The following AKAP13 variants were observed in gnomAD, a reference collection of about 807,000 sequenced individuals.
AKAP13 encodes the protein A-kinase anchoring protein 13.
A neutral mutation model predicts 264.5 loss-of-function variants in AKAP13; 80 were observed. That is an observed-to-expected ratio of 0.30 (90% confidence interval 0.25 to 0.36). AKAP13 has a LOEUF of 0.36. Ranked by LOEUF, AKAP13 falls within the 10% of genes least tolerant of loss-of-function variation. AKAP13 has a pLI of 1.00. For missense variants in AKAP13, 3,712 were observed against 3,435.2 expected (o/e 1.08, Z -2.01); for synonymous variants, 1,380 against 1,250.2 (o/e 1.10, Z -2.19).
chr15:85,591,835 T>G (rs1331655849), intron 8 of AKAP13, among the ~76,000 whole-genome samples: 5 of 152,162 alleles, frequency 3.3e-5, no homozygotes, highest in African/African-American at 1.2e-4. Context: ...GCTCTTTGCA[T>G]AAGCTTATTA....
chr15:85,540,442 G>A (rs1324890596), intron 4 of AKAP13, among the ~76,000 whole-genome samples: 2 of 152,196 alleles, frequency 1.3e-5, no homozygotes, highest in Admixed American at 6.5e-5. Flanking sequence ...TGGAAGGGGA[G>A]TGAGTTGGCA....
chr15:85,597,923 C>G (rs1157699113), intron 8 of AKAP13, among the ~76,000 whole-genome samples: 1 of 152,004 alleles, frequency 6.6e-6, no homozygotes, highest in African/African-American at 2.4e-5. Context: ...ATGGAAGAGC[C>G]TTCTGCTTGT....
At position 85,580,072 on chromosome 15, in the gene AKAP13, A is replaced by G. The variant is rs1251665816; in HGVS notation, c.2004A>G (p.Gln668=). The G allele has an allele frequency of 9.3e-6, 15 of 1,614,110 alleles. No individual in the cohort carries two copies. The highest frequency in any genetic ancestry group is 5.0e-5 in the Admixed American group (3 of 60,006). Residue 668 remains glutamine, a synonymous_variant, in exon 7 of 37, where the codon CAA becomes CAG. Transcript: ENST00000394518. ...DDKLCADSAC[Q]QNTVTSSGDL... ...AACTTTGTGCAGACTCTGCATGTCA[A>G]CAGAACACAGTGACTTCTAGTGGCG... is the stretch of plus-strand genomic sequence containing the variant.
chr15:85,511,901 T>C (rs1287050556), intron 2 of AKAP13, among the ~76,000 whole-genome samples: 2 of 151,906 alleles, frequency 1.3e-5, no homozygotes, highest in Non-Finnish European at 2.9e-5. Flanking sequence ...TGTGTTTTTG[T>C]ATTATTTTCT....
intron 5 of AKAP13, among the ~76,000 whole-genome samples, chr15:85,572,995 G>GAA (rs2078877433): frequency 6.6e-6 from 1 of 152,180 alleles, no homozygotes; most frequent in Admixed American, 6.5e-5. Flanking sequence ...CAAAGGACAT[G>GAA]AACTCATCCT....
At chr15:85,594,952 A>G (rs2079746223) in intron 8 of AKAP13, among the ~76,000 whole-genome samples, 1 of 152,170 alleles carries the variant, frequency 6.6e-6, no homozygotes, top group Admixed American at 6.5e-5. Flanking sequence ...AGGGTCACCA[A>G]TTTCAGATGT....
At chr15:85,412,942 CA>C (rs1488729972) in intron 1 of AKAP13, among the ~76,000 whole-genome samples, 1 of 152,166 alleles carries the variant, frequency 6.6e-6, no homozygotes, top group Admixed American at 6.5e-5. Flanking sequence ...TTTTACAAAT[CA>C]GGGGGCTAAG....
intron 8 of AKAP13, among the ~76,000 whole-genome samples, chr15:85,611,136 G>A (rs376798387): frequency 1.3e-5 from 2 of 152,138 alleles, no homozygotes; most frequent in Non-Finnish European, 2.9e-5. Flanking sequence ...TTTGCATGAC[G>A]TTTTTACAGC....
At chr15:85,722,389 G>T (rs902844641) in intron 25 of AKAP13, 42 bp downstream of exon 25, 1 of 1,501,528 alleles carries the variant, frequency 6.7e-7, no homozygotes, top group South Asian at 1.3e-5. Flanking sequence ...GTCATGGACT[G>T]TTTCCTCTGT....
At chr15:85,628,119 GA>G (rs559847921) in intron 8 of AKAP13, among the ~76,000 whole-genome samples, 3 of 152,158 alleles carry the variant, frequency 2.0e-5, no homozygotes, top group Non-Finnish European at 4.4e-5. Flanking sequence ...CTGTCTCACT[GA>G]ATCTGATAAT....
At chr15:85,722,655 C>A (rs1002636973) in intron 25 of AKAP13, among the ~76,000 whole-genome samples, 5 of 152,052 alleles carry the variant, frequency 3.3e-5, no homozygotes, top group Non-Finnish European at 7.4e-5. Context: ...AGAATTGCTG[C>A]TGTTTTTCAC....
At chr15:85,633,740 T>TG (rs1471068693) in intron 8 of AKAP13, among the ~76,000 whole-genome samples, 6 of 151,748 alleles carry the variant, frequency 4.0e-5, no homozygotes, top group African/African-American at 7.3e-5. Context: ...GAGACGGGGT[T>TG]TCACTGTGTT....
intron 1 of AKAP13, among the ~76,000 whole-genome samples, chr15:85,479,454 T>A (rs781102518): frequency 6.6e-6 from 1 of 152,190 alleles, no homozygotes; most frequent in Non-Finnish European, 1.5e-5. Context: ...TGGAAATTCA[T>A]TTGAAGCACA....
intron 9 of AKAP13, among the ~76,000 whole-genome samples, chr15:85,642,472 A>G (rs2082351526): frequency 6.6e-6 from 1 of 152,244 alleles, no homozygotes; most frequent in African/African-American, 2.4e-5. Context: ...AGATTTTATT[A>G]ATTTTGAAAA....
At position 85,578,911 on chromosome 15, in the gene AKAP13, G is replaced by A. The variant is rs963841168; in HGVS notation, c.862-19G>A. ...CTCCTACAGGCAGTTTTTTAAAAGT[G>A]TATTTCATTTCCTCCTAGAAAACAA... On this transcript the variant is annotated intron_variant, in intron 6 of 36. Coordinates refer to ENST00000394518, the MANE Select transcript of AKAP13 (RefSeq NM_007200.5). 2 of 1,598,716 alleles carry A rather than the reference G, an allele frequency of 1.3e-6. No individual in the cohort carries two copies. Among genetic ancestry groups the A allele is most frequent in the African/African-American group, 1.3e-5 (1 of 74,226 alleles).
chr15:85,558,120 A>G (rs1220344293), intron 5 of AKAP13, among the ~76,000 whole-genome samples: 1 of 152,186 alleles, frequency 6.6e-6, no homozygotes, highest in Non-Finnish European at 1.5e-5. Flanking sequence ...ATGAATTGAA[A>G]AGTTAAAAAA....
In AKAP13 at chr15:85,563,122, A is replaced by G. The variant is rs547889532; in HGVS notation, c.663-12009A>G. 6.6e-5 allele frequency among the ~76,000 whole-genome samples: 10 copies of G among 152,092 alleles called. No individual in the cohort carries two copies. The East Asian group carries it at 1.9e-3, about 29-fold the overall frequency. On this transcript the variant is annotated intron_variant, in intron 5 of 36. Transcript: ENST00000394518. The stretch of plus-strand genomic sequence containing the variant: ...ATTCTACTCAGACTTTAGCACCTGT[A>G]CTTTTCCCATACCACACTATGATTT...
chr15:85,514,915 T>C (rs2076554292), intron 2 of AKAP13, among the ~76,000 whole-genome samples: 1 of 136,710 alleles, frequency 7.3e-6, no homozygotes, highest in Admixed American at 7.4e-5. Flanking sequence ...ACTCAGTTTT[T>C]ATTTAGTTTA....
intron 8 of AKAP13, among the ~76,000 whole-genome samples, chr15:85,635,642 A>G (rs1280703070): frequency 6.6e-6 from 1 of 152,082 alleles, no homozygotes; most frequent in Non-Finnish European, 1.5e-5. Flanking sequence ...CGAAGTTCCC[A>G]TAAAAGTGTT....
Sources: allele counts gnomAD v4.1 joint callset (sites outside exome capture counted in the v4.1 genomes callset), GRCh38; gene constraint gnomAD v4.1.1; transcripts MANE v1.5; gene names NCBI Gene and HGNC (gene_info 2026-07-23, HGNC 2026-07-21).